The following TJP1 variants were observed in gnomAD, a reference collection of about 807,000 sequenced individuals.
TJP1 encodes the protein tight junction protein 1, also known as tight junction protein ZO-1.
In TJP1, 43 loss-of-function variants were observed where a neutral mutation model predicts 194.2. That is an observed-to-expected ratio of 0.22 (90% CI 0.17 to 0.29). The LOEUF (loss-of-function observed/expected upper bound fraction) is 0.29, where lower values mean the gene tolerates loss of function less well. Among genes scored for constraint, TJP1 ranks in the 10% least tolerant of loss-of-function variants. The pLI, the probability that TJP1 is intolerant of heterozygous loss-of-function variation, is 1.00. For synonymous variants in TJP1, 801 were observed against 779.0 expected (o/e 1.03, Z -0.47); for missense variants, 1,971 against 2,185.7 (o/e 0.90, Z 1.96).
At chr15:29,839,824 T>A (rs1020357706) in intron 2 of TJP1, among the ~76,000 whole-genome samples, 1 of 152,194 alleles carries the variant, frequency 6.6e-6, no homozygotes, top group East Asian at 1.9e-4. Flanking sequence ...ACTACCAAAT[T>A]GTTTTCCAGT....
intron 2 of TJP1, among the ~76,000 whole-genome samples, chr15:29,937,863 G>A (rs2054935118): frequency 6.6e-6 from 1 of 152,160 alleles, no homozygotes; most frequent in Non-Finnish European, 1.5e-5. Flanking sequence ...TAGAAAAGAA[G>A]TTCAATTATC....
intron 1 of TJP1, among the ~76,000 whole-genome samples, chr15:29,957,901 A>C (rs1008508538): frequency 5.3e-5 from 8 of 152,160 alleles, no homozygotes; most frequent in Admixed American, 1.3e-4. Context: ...GGAGTCCTTA[A>C]ATACAAGGGC....
chr15:29,928,859 G>A (rs145653122), intron 2 of TJP1, among the ~76,000 whole-genome samples: 120 of 152,056 alleles, frequency 7.9e-4, no homozygotes, highest in African/African-American at 1.0e-3. Context: ...GGAGAATGGC[G>A]TGAACCCAGG....
intron 1 of TJP1, among the ~76,000 whole-genome samples, chr15:29,958,978 GTAGC>G (rs2056053890): frequency 1.3e-5 from 2 of 150,938 alleles, no homozygotes; most frequent in Admixed American, 1.3e-4. Context: ...AATTTCTAAA[GTAGC>G]TAGTTTTTTT....
intron 2 of TJP1, among the ~76,000 whole-genome samples, chr15:29,943,494 G>A (rs2152287518): frequency 6.6e-6 from 1 of 151,924 alleles, no homozygotes; most frequent in East Asian, 1.9e-4. Context: ...TGGGCATGGT[G>A]GCGTGCGCCT....
At chr15:29,950,263 G>GACC (rs1262134541) in intron 2 of TJP1, among the ~76,000 whole-genome samples, 1 of 70,298 alleles carries the variant, frequency 1.4e-5, no homozygotes, top group African/African-American at 5.7e-5. Context: ...CCACCTCTAT[G>GACC]ACCACCACCT....
chr15:29,714,241 T>C (rs920509513), intron 23 of TJP1, among the ~76,000 whole-genome samples: 1 of 152,138 alleles, frequency 6.6e-6, no homozygotes, highest in Admixed American at 6.5e-5. Context: ...GACCTAAATA[T>C]ACTCCTTTTT....
intron 1 of TJP1, among the ~76,000 whole-genome samples, chr15:29,812,262 C>G (rs961500413): frequency 6.6e-6 from 1 of 152,206 alleles, no homozygotes; most frequent in African/African-American, 2.4e-5. Flanking sequence ...ATGGTGTTTA[C>G]ACGGGTGTTC....
chr15:29,939,460 A>G (rs2054993093), intron 2 of TJP1, among the ~76,000 whole-genome samples: 1 of 152,046 alleles, frequency 6.6e-6, no homozygotes, highest in African/African-American at 2.4e-5. Context: ...AGCCCAAACC[A>G]GAGCCTACAC....
At chr15:29,731,405 C>T (rs2043650044) in intron 15 of TJP1, among the ~76,000 whole-genome samples, 1 of 152,160 alleles carries the variant, frequency 6.6e-6, no homozygotes, top group Admixed American at 6.5e-5. Context: ...GACCCCTAGT[C>T]ATTGGTTACC....
intron 2 of TJP1, among the ~76,000 whole-genome samples, chr15:29,947,479 A>C (rs934225506): frequency 2.0e-5 from 3 of 152,196 alleles, no homozygotes; most frequent in Admixed American, 2.0e-4. Flanking sequence ...TCTGTGAGTT[A>C]AAGACTTGCT....
At chr15:29,830,416 C>T (rs1043580152) in intron 2 of TJP1, among the ~76,000 whole-genome samples, 6 of 150,082 alleles carry the variant, frequency 4.0e-5, no homozygotes, top group Non-Finnish European at 8.9e-5. Flanking sequence ...AATTAACACA[C>T]ATCAATTTAT....
At chr15:29,895,311 A>G (rs1195360839) in intron 2 of TJP1, among the ~76,000 whole-genome samples, 1 of 152,176 alleles carries the variant, frequency 6.6e-6, no homozygotes, top group African/African-American at 2.4e-5. Context: ...ACATTTTACT[A>G]TAAGCACTCA....
intron 2 of TJP1, among the ~76,000 whole-genome samples, chr15:29,797,796 C>T (rs1246595973): frequency 1.3e-5 from 2 of 152,044 alleles, no homozygotes; most frequent in African/African-American, 4.8e-5. Context: ...GTCTTGAATA[C>T]GTGAAGTCTA....
intron 2 of TJP1, among the ~76,000 whole-genome samples, chr15:29,897,542 T>C (rs1158125800): frequency 6.6e-6 from 1 of 152,164 alleles, no homozygotes; most frequent in Non-Finnish European, 1.5e-5. Flanking sequence ...AGAGGACCAC[T>C]GTCCTCCAGA....
intron 8 of TJP1, 119 bp downstream of exon 8, chr15:29,761,020 A>C: frequency 6.4e-6 from 8 of 1,240,954 alleles, no homozygotes; most frequent in Non-Finnish European, 8.5e-6. Flanking sequence ...TGAGAAAAAC[A>C]GATCTAATCT....
chr15:29,791,050 C>T (rs530154413), intron 2 of TJP1, among the ~76,000 whole-genome samples: 32 of 151,268 alleles, frequency 2.1e-4, no homozygotes, highest in African/African-American at 6.1e-4. Flanking sequence ...TTTTTTTGGA[C>T]GGAGTCTCAC....
chr15:29,879,357 T>C (rs1253362243), intron 2 of TJP1, among the ~76,000 whole-genome samples: 2 of 152,140 alleles, frequency 1.3e-5, no homozygotes, highest in East Asian at 1.9e-4. Flanking sequence ...CTGAGCTGGT[T>C]TTCACCACCA....
intron 3 of TJP1, 75 bp downstream of exon 3, chr15:29,773,148 CTAAGACAGTG>C (rs1394491207): frequency 4.0e-6 from 6 of 1,490,680 alleles, no homozygotes; most frequent in East Asian, 2.3e-5. Flanking sequence ...GACAAAATCA[CTAAGACAGTG>C]TAAGACAGTA....
Sources: allele counts gnomAD v4.1 joint callset (sites outside exome capture counted in the v4.1 genomes callset), GRCh38; gene constraint gnomAD v4.1.1; transcripts MANE v1.5; gene names NCBI Gene and HGNC (gene_info 2026-07-23, HGNC 2026-07-21).